The following RXRA variants were observed in gnomAD, a reference collection of about 807,000 sequenced individuals.
The protein encoded by RXRA is retinoid X receptor alpha, also known as retinoic acid receptor RXR-alpha.
RXRA carries 5 observed loss-of-function variants against 44.5 expected under a neutral mutation model. The observed-to-expected ratio is 0.11, with a 90% confidence interval of 0.06 to 0.24. The LOEUF is 0.24. Among genes scored for constraint, RXRA ranks in the 10% least tolerant of loss-of-function variants. The pLI, the probability that RXRA is intolerant of heterozygous loss-of-function variation, is 1.00. For synonymous variants in RXRA, 291 were observed against 271.4 expected (o/e 1.07, Z -0.71); for missense variants, 412 against 646.5 (o/e 0.64, Z 3.93).
rs553284211 is a variant in RXRA at position 134,408,188 on chromosome 9, A to G, written c.319A>G (p.Ile107Val). The G allele has an allele frequency of 6.3e-7, 1 of 1,599,766 alleles. No individual in the cohort carries two copies. The highest frequency in any genetic ancestry group is 1.1e-5 in the South Asian group (1 of 89,352). ...GAACCCCGTCAGCAGCAGCGAGGACATCAAGCCCCCCCTGGGCCTCAATGG... is the reference window on the plus strand; with the variant it reads ...GAACCCCGTCAGCAGCAGCGAGGACGTCAAGCCCCCCCTGGGCCTCAATGG... The part of the protein sequence containing the change: ...PMNPVSSSED[I>V]KPPLGLNGVL... Residue 107 changes from isoleucine (I) to valine (V), a missense_variant, in exon 3 of 10, where the codon ATC becomes GTC. Physicochemically the swap from Ile to Val is conservative, Grantham distance 29 (BLOSUM62 3). This residue lies in a region of RXRA where 156 missense variants were observed against 177.2 expected (regional missense o/e 0.88). Coordinates refer to ENST00000481739, the MANE Select transcript of RXRA (RefSeq NM_002957.6).
Position 134,349,087 on chromosome 9 carries a change from G to A in RXRA, c.28+22428G>A, listed in dbSNP as rs55731713. ...ATGCATGGTGGGTACGCTGCTTCCC[G>A]GGAGGGGACTTGTGCTGTCCCTGAA... On this transcript the variant is annotated intron_variant, in intron 1 of 9. Transcript: ENST00000481739. The surrounding 1 kb of genome is among the most constrained non-coding windows in gnomAD (Gnocchi z 4.3). Among the ~76,000 whole-genome samples the A allele has an allele frequency of 0.35, 52,710 of 152,102 alleles. 9,674 individuals carry two copies. The highest frequency in any genetic ancestry group is 0.46 in the African/African-American group (19,248 of 41,478).
At position 134,343,395 on chromosome 9, in the gene RXRA, G is replaced by C. The variant is rs1395665635; in HGVS notation, c.28+16736G>C. The stretch of plus-strand genomic sequence containing the variant: ...GAGGAGTTTCTTCTTCTGGGTTCTG[G>C]GGGTTCATGCAGGATTGCCCGTCAG... On this transcript the variant is annotated intron_variant, in intron 1 of 9. Coordinates refer to ENST00000481739, the MANE Select transcript of RXRA (RefSeq NM_002957.6). This position sits in a 1 kb window ranked among gnomAD's most constrained non-coding sequence, Gnocchi z 4.1. Among the ~76,000 whole-genome samples, 1 of 152,110 alleles carries C rather than the reference G, an allele frequency of 6.6e-6. No individual in the cohort carries two copies. The highest frequency in any genetic ancestry group is 2.4e-5 in the African/African-American group (1 of 41,420).
chr9:134,340,262 G>A (rs78436409), intron 1 of RXRA, among the ~76,000 whole-genome samples: 4,613 of 152,222 alleles, frequency 0.03, 239 homozygotes, highest in African/African-American at 0.11. Context: ...CTGAGGGCTC[G>A]GGGTCCAGGA....
At chr9:134,333,396 A>G (rs534830241) in intron 1 of RXRA, among the ~76,000 whole-genome samples, 20 of 152,184 alleles carry the variant, frequency 1.3e-4, no homozygotes, top group African/African-American at 2.9e-4. Context: ...CCTCTAAGCC[A>G]TAGTAATTTC....
At chr9:134,369,370 C>T (rs1404476273) in intron 1 of RXRA, among the ~76,000 whole-genome samples, 7 of 39,194 alleles carry the variant, frequency 1.8e-4, no homozygotes, top group East Asian at 6.0e-4. Flanking sequence ...TGTGTGTGTG[C>T]GGGGGTTGTG....
At chr9:134,362,433 A>T (rs1830363525) in intron 1 of RXRA, among the ~76,000 whole-genome samples, 1 of 152,286 alleles carries the variant, frequency 6.6e-6, no homozygotes, top group East Asian at 1.9e-4. Flanking sequence ...CATTCATGCC[A>T]CAAACTGTGT....
intron 1 of RXRA, among the ~76,000 whole-genome samples, chr9:134,394,443 G>A (rs1244527259): frequency 6.6e-6 from 1 of 152,176 alleles, no homozygotes; most frequent in Non-Finnish European, 1.5e-5. Context: ...TTTGAGGTCA[G>A]TCAAGACTGA....
At position 134,439,850 on chromosome 9, in the gene RXRA, C is replaced by G. The variant is rs1384035280; in HGVS notation, c.*3236C>G. On this transcript the variant is annotated 3_prime_UTR_variant, in exon 10 of 10. Coordinates refer to ENST00000481739, the MANE Select transcript of RXRA (RefSeq NM_002957.6). ...TTAATCAAGACGTTTCCCCTGTTTT[C>G]CTATAAATTTGCTTCGTGTAAGCAA... 6.6e-6 allele frequency: 1 copy of G among 152,328 alleles called. No homozygotes were observed. Among genetic ancestry groups the G allele is most frequent in the African/African-American group, 2.4e-5 (1 of 41,460 alleles). The allele number at this position is 152,328 out of a possible 1,614,324, so 9.4% of individuals were successfully genotyped here.
chr9:134,407,998 G>T lies in RXRA; in HGVS notation c.280-151G>T. ...ACAGTGGCCCCGCTGCTCCGGAGCA[G>T]CGTGGCGGGTGGGGGGCACGGCCCT... On this transcript the variant is annotated intron_variant, in intron 2 of 9. Coordinates refer to ENST00000481739, the MANE Select transcript of RXRA (RefSeq NM_002957.6). The surrounding 1 kb of genome is among the most constrained non-coding windows in gnomAD (Gnocchi z 4.8). 1.8e-6 allele frequency: 1 copy of T among 564,784 alleles called. No homozygotes were observed. Among genetic ancestry groups the T allele is most frequent in the Admixed American group, 3.5e-5 (1 of 28,428 alleles). The allele number at this position is 564,784 out of a possible 1,614,324, so 35.0% of individuals were successfully genotyped here. A position where few individuals can be genotyped will look rare whatever the true frequency, so the allele number is the denominator to read the frequency against.
At chr9:134,424,387 A>G (rs1469858763) in intron 6 of RXRA, 21 of 984,052 alleles carry the variant, frequency 2.1e-5, no homozygotes, top group Non-Finnish European at 2.2e-5. Context: ...TCTGAGTGGG[A>G]CTCCCAGCCT....
rs768034909 is a variant in RXRA, at chr9:134,433,243, G to C, written c.1136-859G>C. On this transcript the variant is annotated intron_variant, in intron 8 of 9. Transcript: ENST00000481739. The surrounding 1 kb of genome is among the most constrained non-coding windows in gnomAD (Gnocchi z 4.2). Reference sequence around the variant, plus strand: ...GGAGGCTGAGTCATGCCACGGCCCGGCCCGGCCCGAGGAATCCCCATTCAG... The same window carrying C: ...GGAGGCTGAGTCATGCCACGGCCCGCCCCGGCCCGAGGAATCCCCATTCAG... Among the ~76,000 whole-genome samples, 30 of 152,186 alleles carry C rather than the reference G, an allele frequency of 2.0e-4. No individual in the cohort carries two copies. The highest frequency in any genetic ancestry group is 3.4e-4 in the Non-Finnish European group (23 of 68,032).
intron 5 of RXRA, among the ~76,000 whole-genome samples, chr9:134,419,674 C>T (rs563078458): frequency 2.0e-4 from 30 of 152,338 alleles, no homozygotes; most frequent in African/African-American, 5.5e-4. Flanking sequence ...GCCCATCACA[C>T]GCCTACTGTT....
intron 1 of RXRA, among the ~76,000 whole-genome samples, chr9:134,344,012 G>A (rs1321531535): frequency 6.6e-6 from 1 of 152,132 alleles, no homozygotes; most frequent in Non-Finnish European, 1.5e-5. Flanking sequence ...GTTCCCGGGG[G>A]CCGTGCCCTA....
intron 1 of RXRA, among the ~76,000 whole-genome samples, chr9:134,351,930 C>T (rs187449443): frequency 2.6e-5 from 4 of 152,170 alleles, no homozygotes; most frequent in Admixed American, 1.3e-4. Flanking sequence ...TCTGTGTGCA[C>T]GTGTGCGTGC....
intron 2 of RXRA, among the ~76,000 whole-genome samples, chr9:134,406,585 A>T (rs1314197012): frequency 6.6e-6 from 1 of 152,154 alleles, no homozygotes; most frequent in Non-Finnish European, 1.5e-5. Context: ...GACAGCCACT[A>T]GACCAGCGAG....
At chr9:134,330,871 C>G (rs1834994244) in intron 1 of RXRA, among the ~76,000 whole-genome samples, 1 of 152,210 alleles carries the variant, frequency 6.6e-6, no homozygotes, top group East Asian at 1.9e-4. Flanking sequence ...AGAAGGCAGC[C>G]TGGTGTGTTG....
At chr9:134,378,274 T>C (rs1042189094) in intron 1 of RXRA, among the ~76,000 whole-genome samples, 2 of 152,266 alleles carry the variant, frequency 1.3e-5, no homozygotes, top group African/African-American at 4.8e-5. Context: ...GTTCTCTGTC[T>C]GCTGGGTCAG....
At chr9:134,334,238 G>A (rs1306937164) in intron 1 of RXRA, among the ~76,000 whole-genome samples, 1 of 152,258 alleles carries the variant, frequency 6.6e-6, no homozygotes, top group Non-Finnish European at 1.5e-5. Flanking sequence ...CTTCTGAGGC[G>A]AGGGCATCCT....
chr9:134,357,773 G>A (rs12003265), intron 1 of RXRA, among the ~76,000 whole-genome samples: 1,871 of 152,348 alleles, frequency 0.012, 28 homozygotes, highest in African/African-American at 0.043. Context: ...GAGCACCCGG[G>A]AAATTACGTG....
Sources: allele counts gnomAD v4.1 joint callset (sites outside exome capture counted in the v4.1 genomes callset), GRCh38; gene constraint gnomAD v4.1.1; regional missense constraint gnomAD v4.1.1; non-coding constraint Gnocchi (gnomAD v3.1); transcripts MANE v1.5; gene names NCBI Gene and HGNC (gene_info 2026-07-23, HGNC 2026-07-21).